Variants in RPN1 observed in about 807,000 individuals in gnomAD.
RPN1 encodes the protein ribophorin I, also known as dolichyl-diphosphooligosaccharide--protein glycosyltransferase subunit 1.
RPN1 carries 12 observed loss-of-function variants against 55.5 expected under a neutral mutation model. The ratio of observed to expected loss-of-function variants is 0.22; its 90% CI spans 0.14 to 0.35. The LOEUF (loss-of-function observed/expected upper bound fraction) is 0.35, where lower values mean the gene tolerates loss of function less well. RPN1 is among the 10% of genes least tolerant of loss of function. The probability of loss-of-function intolerance (pLI) is 1.00; values close to 1 mark genes in which losing one functional copy is unlikely to be tolerated. For missense variants in RPN1, 679 were observed against 761.3 expected, an observed-to-expected ratio of 0.89 and a Z score of 1.27; for synonymous variants, 317 against 305.9, an observed-to-expected ratio of 1.04 and a Z score of -0.38.
At chr3:128,644,824 A>T in intron 2 of RPN1, 95 bp downstream of exon 2, 1 of 755,274 alleles carries the variant, frequency 1.3e-6, no homozygotes, top group Admixed American at 2.2e-5. Context: ...TAAAGCAGGC[A>T]CTTCCTAAGC....
chr3:128,637,287 G>A (rs2069688140), intron 3 of RPN1, among the ~76,000 whole-genome samples: 3 of 152,054 alleles, frequency 2.0e-5, no homozygotes, highest in African/African-American at 4.8e-5. Flanking sequence ...AAAAGAGGTA[G>A]GTTAATTATG....
chr3:128,629,569 A>T (rs566132043), intron 5 of RPN1, among the ~76,000 whole-genome samples: 1 of 152,348 alleles, frequency 6.6e-6, no homozygotes, highest in East Asian at 1.9e-4. Flanking sequence ...CTCAAAAAAA[A>T]GAAAGACTTG....
intron 1 of RPN1, among the ~76,000 whole-genome samples, chr3:128,649,923 C>T (rs1328965281): frequency 6.6e-6 from 1 of 152,200 alleles, no homozygotes; most frequent in Non-Finnish European, 1.5e-5. Flanking sequence ...AAATGCATCA[C>T]ATTCATAGGG....
chr3:128,632,698 G>C (rs796362599), intron 3 of RPN1, among the ~76,000 whole-genome samples: 2 of 151,794 alleles, frequency 1.3e-5, no homozygotes, highest in Non-Finnish European at 2.9e-5. Context: ...GGGTTCAAGC[G>C]ATTCTCCTGC....
intron 3 of RPN1, among the ~76,000 whole-genome samples, chr3:128,635,899 GTATGATTTTGTTACATACAACTTGTTATA>G (rs1255927797): frequency 1.3e-5 from 2 of 150,890 alleles, no homozygotes; most frequent in South Asian, 2.1e-4. Flanking sequence ...AACTTGTTAT[GTATGATTTTGTTACATACAACTTGTTATA>G]TATGATTTTG....
At chr3:128,638,653 A>G (rs1231618529) in intron 2 of RPN1, among the ~76,000 whole-genome samples, 1 of 152,042 alleles carries the variant, frequency 6.6e-6, no homozygotes, top group Non-Finnish European at 1.5e-5. Context: ...TTAATAAAAG[A>G]CTTAAATTAC....
intron 2 of RPN1, among the ~76,000 whole-genome samples, chr3:128,641,775 A>C (rs1316526262): frequency 6.6e-6 from 1 of 151,748 alleles, no homozygotes; most frequent in Non-Finnish European, 1.5e-5. Flanking sequence ...CTCCTGGCTA[A>C]CTTTTTTGCA....
In RPN1 at chr3:128,620,328, T is replaced by C. The variant is rs914332695; in HGVS notation, c.*83A>G. ...AGATGTCAGCTTTCACTGGCCTCCA[T>C]GCACAACCTCCCACTACCACCCAAT... On this transcript the variant is annotated 3_prime_UTR_variant, in exon 10 of 10. Transcript: ENST00000296255. The C allele has an allele frequency of 1.1e-5, 15 of 1,360,350 alleles. No individual in the cohort carries two copies. In the East Asian group the frequency reaches 1.2e-4, roughly 11 times the overall value. The allele number at this position is 1,360,350 out of a possible 1,614,324, so 84.3% of individuals were successfully genotyped here. A position where few individuals can be genotyped will look rare whatever the true frequency, so the allele number is the denominator to read the frequency against.
At chr3:128,633,298 T>C (rs1159697266) in intron 3 of RPN1, among the ~76,000 whole-genome samples, 1 of 151,862 alleles carries the variant, frequency 6.6e-6, no homozygotes, top group Non-Finnish European at 1.5e-5. Flanking sequence ...CAATCTTGGC[T>C]CAATGCAGTC....
At chr3:128,650,135 G>A (rs1212141183) in intron 1 of RPN1, among the ~76,000 whole-genome samples, 2 of 152,248 alleles carry the variant, frequency 1.3e-5, no homozygotes, top group South Asian at 2.1e-4. Context: ...ACCGGGCCGA[G>A]GGGCTGCCGC....
rs751607930 is a variant in RPN1 at position 128,650,594 on chromosome 3, G to A, written c.207C>T (p.Phe69=). 1 of 1,549,662 alleles carries A rather than the reference G, an allele frequency of 6.5e-7. No individual in the cohort carries two copies. Among genetic ancestry groups the A allele is most frequent in the South Asian group, 1.2e-5 (1 of 84,048 alleles). The stretch of plus-strand genomic sequence containing the variant: ...CGAGCTCAGGCTCCAAAGCCAGCAG[G>A]AAAGAGGTAGCTCGGGACGTGGAGC... ...GGGSTSRATS[F]LLALEPELEA... is the part of the protein sequence containing the mutation. Residue 69 remains phenylalanine (F), a synonymous_variant, in exon 1 of 10, where the codon TTC becomes TTT. Transcript: ENST00000296255.
chr3:128,633,026 T>C (rs1343708508), intron 3 of RPN1, among the ~76,000 whole-genome samples: 1 of 152,210 alleles, frequency 6.6e-6, no homozygotes, highest in African/African-American at 2.4e-5. Flanking sequence ...ACAACTAGTT[T>C]ATTCGCTAGT....
chr3:128,624,601 ACAT>A (rs2069585922), intron 8 of RPN1, among the ~76,000 whole-genome samples: 1 of 152,080 alleles, frequency 6.6e-6, no homozygotes, highest in Non-Finnish European at 1.5e-5. Context: ...TGTCTCACAA[ACAT>A]CAGCCCCTCC....
chr3:128,636,208 C>T lies in RPN1; in HGVS notation c.633+1591G>A, dbSNP rs2069681150. Among the ~76,000 whole-genome samples the T allele has an allele frequency of 5.9e-5, 9 of 152,296 alleles. No individual in the cohort carries two copies. The South Asian group carries it at 1.9e-3, about 32-fold the overall frequency. ...GGGCGCAGTGACTCACACCTGCTATCACAGCACTTTGGGAGGCCGAGGCAG... is the reference window on the plus strand; with the variant it reads ...GGGCGCAGTGACTCACACCTGCTATTACAGCACTTTGGGAGGCCGAGGCAG... On this transcript the variant is annotated intron_variant, in intron 3 of 9. Transcript: ENST00000296255.
chr3:128,646,351 T>C (rs1324303905), intron 1 of RPN1, among the ~76,000 whole-genome samples: 3 of 151,646 alleles, frequency 2.0e-5, no homozygotes, highest in Non-Finnish European at 2.9e-5. Context: ...AGGCACGAGA[T>C]ACCACGCCCA....
At chr3:128,622,485 C>T in intron 8 of RPN1, 76 bp from the exon 9 acceptor site, 1 of 1,563,680 alleles carries the variant, frequency 6.4e-7, no homozygotes, top group Non-Finnish European at 8.7e-7. Flanking sequence ...CAAAGAACAT[C>T]TGCCACCAGC....
At chr3:128,643,402 A>C (rs2069742774) in intron 2 of RPN1, among the ~76,000 whole-genome samples, 1 of 151,778 alleles carries the variant, frequency 6.6e-6, no homozygotes, top group South Asian at 2.1e-4. Flanking sequence ...GGTGGCTCAC[A>C]CCTGTAATCC....
intron 1 of RPN1, among the ~76,000 whole-genome samples, chr3:128,647,791 T>C (rs578077882): frequency 6.6e-5 from 10 of 152,012 alleles, no homozygotes; most frequent in Non-Finnish European, 1.3e-4. Flanking sequence ...TTGAAAAATA[T>C]TGTTACTTAA....
At chr3:128,631,686 G>A (rs754035477) in intron 4 of RPN1, among the ~76,000 whole-genome samples, 1 of 152,154 alleles carries the variant, frequency 6.6e-6, no homozygotes. Context: ...AGGCTGCAAT[G>A]AGCAGAGATC....
Sources: allele counts gnomAD v4.1 joint callset (sites outside exome capture counted in the v4.1 genomes callset), GRCh38; gene constraint gnomAD v4.1.1; transcripts MANE v1.5; gene names NCBI Gene and HGNC (gene_info 2026-07-23, HGNC 2026-07-21).